PHACTR2: variants seen among roughly 807,000 people sequenced by gnomAD.
PHACTR2 encodes the protein phosphatase and actin regulator 2, also known as chromosome 6 open reading frame 56.
In PHACTR2, 30 loss-of-function variants were observed where a neutral mutation model predicts 76.0. That is an observed-to-expected ratio of 0.39 (90% confidence interval 0.30 to 0.54). The LOEUF (loss-of-function observed/expected upper bound fraction) is 0.54. Among genes scored for constraint, PHACTR2 ranks in the 20% least tolerant of loss-of-function variants. The pLI is 0.61. For missense variants in PHACTR2, 696 were observed against 781.1 expected (o/e 0.89, Z 1.30); for synonymous variants, 292 against 292.5 (o/e 1.00, Z 0.02).
At chr6:143,723,685 C>T (rs1373104063) in intron 2 of PHACTR2, among the ~76,000 whole-genome samples, 2 of 152,084 alleles carry the variant, frequency 1.3e-5, no homozygotes, top group African/African-American at 4.8e-5. Flanking sequence ...TCAGAGTATA[C>T]GTGGAGATCG....
At chr6:143,620,889 G>A (rs1776142429) in intron 1 of PHACTR2, among the ~76,000 whole-genome samples, 1 of 152,126 alleles carries the variant, frequency 6.6e-6, no homozygotes, top group Non-Finnish European at 1.5e-5. Flanking sequence ...TCACAGTTTT[G>A]GTCACAAAAC....
chr6:143,588,470 A>C (rs1775652594), intron 1 of PHACTR2, among the ~76,000 whole-genome samples: 1 of 152,156 alleles, frequency 6.6e-6, no homozygotes, highest in African/African-American at 2.4e-5. Flanking sequence ...GTGGCTCTCC[A>C]GAGTAACCTC....
chr6:143,740,353 T>A (rs1778911251), intron 2 of PHACTR2, among the ~76,000 whole-genome samples: 1 of 152,036 alleles, frequency 6.6e-6, no homozygotes, highest in East Asian at 1.9e-4. Flanking sequence ...TCCTAGCTCA[T>A]CCTGTGATTT....
rs1319071453 is a variant in PHACTR2 at position 143,782,875 on chromosome 6, T to C, written c.1646-344T>C. Among the ~76,000 whole-genome samples, 1 of 152,172 alleles carries C rather than the reference T, an allele frequency of 6.6e-6. No homozygotes were observed. The highest frequency in any genetic ancestry group is 1.9e-4 in the East Asian group (1 of 5,198). ...CTGGTAAATTGTGCTTATAAGCCCA[T>C]GAAATGATCAGCAATAGAGGGCTTT... On this transcript the variant is annotated intron_variant, in intron 9 of 12. Transcript: ENST00000440869. This position sits in a 1 kb window ranked among gnomAD's most constrained non-coding sequence, Gnocchi z 4.6.
intron 1 of PHACTR2, among the ~76,000 whole-genome samples, chr6:143,650,028 C>T (rs1200382251): frequency 6.6e-6 from 1 of 152,168 alleles, no homozygotes; most frequent in Non-Finnish European, 1.5e-5. Flanking sequence ...AAATTATTAG[C>T]ATTCCTTTAC....
chr6:143,539,138 A>G lies in PHACTR2; in HGVS notation c.217+1931A>G, dbSNP rs1584048155. On this transcript the variant is annotated intron_variant, in intron 1 of 11. Transcript: ENST00000367584. The surrounding 1 kb of genome is among the most constrained non-coding windows in gnomAD (Gnocchi z 4.3). The stretch of plus-strand genomic sequence containing the variant: ...AAAAAGGACAGCAAAGACATTTAAA[A>G]TGTGAGTGTGCAAAGTGTACATCAT... Among the ~76,000 whole-genome samples, 1 of 152,266 alleles carries G rather than the reference A, an allele frequency of 6.6e-6. No homozygotes were observed. Among genetic ancestry groups the G allele is most frequent in the African/African-American group, 2.4e-5 (1 of 41,470 alleles).
chr6:143,806,273 T>A lies in PHACTR2; in HGVS notation c.1846-784T>A, dbSNP rs1776061985. Among the ~76,000 whole-genome samples the A allele has an allele frequency of 2.6e-5, 4 of 152,216 alleles. No homozygotes were observed. The South Asian group carries it at 8.3e-4, about 31-fold the overall frequency. Reference sequence around the variant, plus strand: ...GGATTATGTGTTCTTTAAATAGCAATGCATTCTATTTGATATTTTCTTTGG... The same window carrying A: ...GGATTATGTGTTCTTTAAATAGCAAAGCATTCTATTTGATATTTTCTTTGG... On this transcript the variant is annotated intron_variant, in intron 11 of 12. Transcript: ENST00000440869. This position sits in a 1 kb window ranked among gnomAD's most constrained non-coding sequence, Gnocchi z 5.8.
intron 9 of PHACTR2, among the ~76,000 whole-genome samples, chr6:143,781,327 G>A (rs1047030778): frequency 1.2e-4 from 19 of 152,206 alleles, no homozygotes; most frequent in African/African-American, 4.3e-4. Context: ...TGAACAATAT[G>A]CTTAATAAGG....
Position 143,800,728 on chromosome 6 carries a change from T to A in PHACTR2, c.1846-6329T>A, listed in dbSNP as rs1278472597. Among the ~76,000 whole-genome samples, 1 of 152,234 alleles carries A rather than the reference T, an allele frequency of 6.6e-6. No individual in the cohort carries two copies. On this transcript the variant is annotated intron_variant, in intron 11 of 12. Coordinates refer to ENST00000440869, the MANE Select transcript of PHACTR2 (RefSeq NM_001100164.2). This position sits in a 1 kb window ranked among gnomAD's most constrained non-coding sequence, Gnocchi z 4.8. ...TTAATATTGTTATGTTTGAATTTGA[T>A]CCTGTCATTATGATGTTAGCTGGTT...
rs1775132747 is a variant in PHACTR2 at position 143,554,078 on chromosome 6, A to G, written c.217+16871A>G. 1.3e-5 allele frequency among the ~76,000 whole-genome samples: 2 copies of G among 152,214 alleles called. No homozygotes were observed. Among genetic ancestry groups the G allele is most frequent in the South Asian group, 4.2e-4 (2 of 4,816 alleles). On this transcript the variant is annotated intron_variant, in intron 1 of 11. Coordinates refer to the PHACTR2 transcript ENST00000367584. The surrounding 1 kb of genome is among the most constrained non-coding windows in gnomAD (Gnocchi z 5.9). ...TGGCGGGGGCGCTGGGCAGAGGGGC[A>G]TCATGTTTTTTGATACAAATGTAGA... is the stretch of plus-strand genomic sequence containing the variant.
In PHACTR2 at chr6:143,750,799, T is replaced by C. The variant is rs1454416348; in HGVS notation, c.295+1734T>C. Among the ~76,000 whole-genome samples the C allele has an allele frequency of 6.6e-6, 1 of 152,198 alleles. No homozygotes were observed. Among genetic ancestry groups the C allele is most frequent in the Non-Finnish European group, 1.5e-5 (1 of 68,026 alleles). On this transcript the variant is annotated intron_variant, in intron 3 of 12. Coordinates refer to ENST00000440869, the MANE Select transcript of PHACTR2 (RefSeq NM_001100164.2). The surrounding 1 kb of genome is among the most constrained non-coding windows in gnomAD (Gnocchi z 4.6). ...ACTTTTCCAGTGGAAACTAAAAGTT[T>C]TAAAACATAAAAGAACAAAACAATT... is the stretch of plus-strand genomic sequence containing the variant.
At chr6:143,637,027 A>C (rs1401505632) in intron 1 of PHACTR2, among the ~76,000 whole-genome samples, 1 of 152,222 alleles carries the variant, frequency 6.6e-6, no homozygotes, top group Non-Finnish European at 1.5e-5. Context: ...CAGATTCTCA[A>C]CACGAGGGTT....
At chr6:143,734,507 A>G (rs1778775621) in intron 2 of PHACTR2, among the ~76,000 whole-genome samples, 2 of 152,196 alleles carry the variant, frequency 1.3e-5, no homozygotes, top group Admixed American at 1.3e-4. Context: ...TAAGCAAGGC[A>G]TTTTCACTGA....
At chr6:143,629,941 C>G (rs892585266) in intron 1 of PHACTR2, among the ~76,000 whole-genome samples, 1 of 152,052 alleles carries the variant, frequency 6.6e-6, no homozygotes, top group South Asian at 2.1e-4. Context: ...CGTGAGTGAG[C>G]AGATGATGTG....
At position 143,570,342 on chromosome 6, in the gene PHACTR2, T is replaced by C. The variant is rs1456544175; in HGVS notation, c.217+33135T>C. Among the ~76,000 whole-genome samples the C allele has an allele frequency of 6.6e-6, 1 of 152,186 alleles. No individual in the cohort carries two copies. The highest frequency in any genetic ancestry group is 1.5e-5 in the Non-Finnish European group (1 of 68,034). Reference sequence around the variant, plus strand: ...CCGCTGGCCCTAATCACAAATGTCTTTGTACTCACAGTCATCTTATGCAGG... The same window carrying C: ...CCGCTGGCCCTAATCACAAATGTCTCTGTACTCACAGTCATCTTATGCAGG... On this transcript the variant is annotated intron_variant, in intron 1 of 11. Transcript: ENST00000367584. The surrounding 1 kb of genome is among the most constrained non-coding windows in gnomAD (Gnocchi z 4.6).
In PHACTR2 at chr6:143,816,777, C is replaced by G. The variant is rs151154950; in HGVS notation, c.1923-6897C>G. Among the ~76,000 whole-genome samples the G allele has an allele frequency of 1.3e-5, 2 of 152,254 alleles. No individual in the cohort carries two copies. The highest frequency in any genetic ancestry group is 2.9e-5 in the Non-Finnish European group (2 of 68,012). On this transcript the variant is annotated intron_variant, in intron 12 of 12. Transcript: ENST00000440869. This position sits in a 1 kb window ranked among gnomAD's most constrained non-coding sequence, Gnocchi z 4.5. ...ATAATATTGGGCTTTCAAAGATTATCTCTTCTGGCTGGGTGCGGTGGCTCA... is the reference window on the plus strand; with the variant it reads ...ATAATATTGGGCTTTCAAAGATTATGTCTTCTGGCTGGGTGCGGTGGCTCA...
rs2128444639 is a variant in PHACTR2 at position 143,643,917 on chromosome 6, T to C, written c.13+35595T>C. On this transcript the variant is annotated intron_variant, in intron 1 of 11. Transcript: ENST00000305766. Reference sequence around the variant, plus strand: ...GCCCCTCTTTGCACCTCATGTGATGTTGCTTACTGGATATCAAAAAAGATT... The same window carrying C: ...GCCCCTCTTTGCACCTCATGTGATGCTGCTTACTGGATATCAAAAAAGATT... Among the ~76,000 whole-genome samples the C allele has an allele frequency of 2.0e-5, 3 of 152,320 alleles. No homozygotes were observed. The Middle Eastern group carries it at 0.01, about 518-fold the overall frequency.
rs1202661080 is a variant in PHACTR2 at position 143,618,309 on chromosome 6, G to T, written c.13+9987G>T. 6.6e-6 allele frequency among the ~76,000 whole-genome samples: 1 copy of T among 151,642 alleles called. No individual in the cohort carries two copies. The highest frequency in any genetic ancestry group is 1.5e-5 in the Non-Finnish European group (1 of 67,956). On this transcript the variant is annotated intron_variant, in intron 1 of 11. Transcript: ENST00000305766. The surrounding 1 kb of genome is among the most constrained non-coding windows in gnomAD (Gnocchi z 5.2). ...CACGCACACTCCAGAATGAGTTTCA[G>T]ATCATTTTAAATTGATAGTGACCTT...
Position 143,578,952 on chromosome 6 carries a change from G to T in PHACTR2, c.217+41745G>T, listed in dbSNP as rs1252818174. 6.6e-6 allele frequency among the ~76,000 whole-genome samples: 1 copy of T among 152,076 alleles called. No homozygotes were observed. Among genetic ancestry groups the T allele is most frequent in the Non-Finnish European group, 1.5e-5 (1 of 68,028 alleles). ...AGGATCTTGTTCTGGCACCCAGGCT[G>T]GAGTGCAGTGGCGTGATCACAGCTC... is the stretch of plus-strand genomic sequence containing the variant. On this transcript the variant is annotated intron_variant, in intron 1 of 11. Coordinates refer to the PHACTR2 transcript ENST00000367584. This position sits in a 1 kb window ranked among gnomAD's most constrained non-coding sequence, Gnocchi z 4.5.
Sources: allele counts gnomAD v4.1 joint callset (sites outside exome capture counted in the v4.1 genomes callset), GRCh38; gene constraint gnomAD v4.1.1; non-coding constraint Gnocchi (gnomAD v3.1); transcripts MANE v1.5; gene names NCBI Gene and HGNC (gene_info 2026-07-23, HGNC 2026-07-21).